CIP2A: variants seen among roughly 807,000 people sequenced by gnomAD.
The protein encoded by CIP2A is cellular inhibitor of PP2A, also known as protein CIP2A.
CIP2A carries 103 observed loss-of-function variants against 110.9 expected under a neutral mutation model. The observed-to-expected ratio is 0.93, with a 90% CI of 0.79 to 1.09. CIP2A has a LOEUF of 1.09. CIP2A is among the 50% of genes least tolerant of loss of function. The pLI is 0.00. For synonymous variants in CIP2A, 381 were observed against 361.6 expected, an observed-to-expected ratio of 1.05 and a Z score of -0.61; for missense variants, 1,088 against 1,038.4, an observed-to-expected ratio of 1.05 and a Z score of -0.66.
chr3:108,572,888 A>T (rs1002175675), intron 8 of CIP2A, among the ~76,000 whole-genome samples: 1 of 152,006 alleles, frequency 6.6e-6, no homozygotes. Context: ...TCTTATTCCT[A>T]ATCTTGAGGA....
intron 1 of CIP2A, among the ~76,000 whole-genome samples, chr3:108,587,159 T>C (rs1266270975): frequency 1.3e-5 from 2 of 152,154 alleles, no homozygotes; most frequent in African/African-American, 4.8e-5. Context: ...TAGGCATATG[T>C]TCCAATGCTC....
At chr3:108,565,534 T>A in intron 11 of CIP2A, 80 bp from the exon 12 acceptor site, 1 of 713,838 alleles carries the variant, frequency 1.4e-6, no homozygotes. Flanking sequence ...CTAAAGAAAA[T>A]GAAAAAAACC....
Position 108,553,631 on chromosome 3 carries a change from A to C in CIP2A, c.2407+17T>G, listed in dbSNP as rs201915655. ...TACATTAAAAATAGAAAATGTATTAAATAAGAAGCCACTTACTTGCTAGCT... is the reference window on the plus strand; with the variant it reads ...TACATTAAAAATAGAAAATGTATTACATAAGAAGCCACTTACTTGCTAGCT... On this transcript the variant is annotated intron_variant, in intron 19 of 20. Coordinates refer to ENST00000295746, the MANE Select transcript of CIP2A (RefSeq NM_020890.3). The C allele has an allele frequency of 6.5e-7, 1 of 1,549,094 alleles. No homozygotes were observed. Among genetic ancestry groups the C allele is most frequent in the African/African-American group, 1.4e-5 (1 of 72,838 alleles).
intron 19 of CIP2A, among the ~76,000 whole-genome samples, chr3:108,553,121 G>GC (rs1937632253): frequency 1.5e-5 from 1 of 67,156 alleles, no homozygotes; most frequent in South Asian, 6.8e-4. Context: ...CTTTCCTTTT[G>GC]TTTTTTTTTT....
intron 8 of CIP2A, among the ~76,000 whole-genome samples, chr3:108,572,739 A>G (rs1030886691): frequency 4.2e-5 from 6 of 143,372 alleles, no homozygotes; most frequent in African/African-American, 1.5e-4. Flanking sequence ...TAGATTTTCT[A>G]TACTCTCACG....
chr3:108,573,576 C>T (rs1195033904), intron 8 of CIP2A, among the ~76,000 whole-genome samples: 1 of 151,836 alleles, frequency 6.6e-6, no homozygotes, highest in Non-Finnish European at 1.5e-5. Flanking sequence ...GATTCGAATA[C>T]TAGATTTTTC....
At chr3:108,569,188 A>C (rs1938297490) in intron 9 of CIP2A, among the ~76,000 whole-genome samples, 1 of 131,096 alleles carries the variant, frequency 7.6e-6, no homozygotes, top group Non-Finnish European at 1.6e-5. Flanking sequence ...ATATACATAC[A>C]CACTACTCAG....
intron 8 of CIP2A, among the ~76,000 whole-genome samples, chr3:108,571,369 T>C (rs1938397804): frequency 1.3e-5 from 2 of 152,152 alleles, no homozygotes; most frequent in African/African-American, 4.8e-5. Flanking sequence ...ATGTGATGCA[T>C]TGCACCACCA....
intron 8 of CIP2A, among the ~76,000 whole-genome samples, chr3:108,571,879 G>A (rs1308733331): frequency 6.6e-6 from 1 of 152,042 alleles, no homozygotes. Flanking sequence ...GTTAAAGTAT[G>A]TTTGCTATTT....
chr3:108,567,795 T>C (rs1938237476), intron 10 of CIP2A, among the ~76,000 whole-genome samples: 1 of 151,858 alleles, frequency 6.6e-6, no homozygotes, highest in South Asian at 2.1e-4. Context: ...TGATCGTCCG[T>C]CCAGGGGAAA....
intron 2 of CIP2A, among the ~76,000 whole-genome samples, chr3:108,583,619 GA>G (rs1255415411): frequency 6.6e-6 from 1 of 152,134 alleles, no homozygotes; most frequent in Non-Finnish European, 1.5e-5. Flanking sequence ...TGGGAGGTGT[GA>G]GGGGGAGCCG....
intron 1 of CIP2A, 60 bp from the exon 2 acceptor site, chr3:108,585,272 T>C: frequency 6.9e-7 from 1 of 1,459,510 alleles, no homozygotes; most frequent in Non-Finnish European, 9.2e-7. Context: ...CTCTTCTCCA[T>C]TTCAAATAAA....
At chr3:108,552,709 T>C (rs1937623434) in intron 19 of CIP2A, among the ~76,000 whole-genome samples, 1 of 152,162 alleles carries the variant, frequency 6.6e-6, no homozygotes, top group Non-Finnish European at 1.5e-5. Context: ...AAATATACCA[T>C]TAAGAAGCTA....
chr3:108,568,124 C>G, intron 10 of CIP2A, 31 bp downstream of exon 10: 1 of 1,564,260 alleles, frequency 6.4e-7, no homozygotes, highest in Non-Finnish European at 8.7e-7. Flanking sequence ...GTTAGTTATA[C>G]AGTTTTCACG....
chr3:108,566,488 T>C lies in CIP2A; in HGVS notation c.1415+9A>G. 2 of 1,602,044 alleles carry C rather than the reference T, an allele frequency of 1.2e-6. No individual in the cohort carries two copies. Among genetic ancestry groups the C allele is most frequent in the African/African-American group, 1.3e-5 (1 of 74,290 alleles). ...CTTGCCATTTTGTCATTAGAGTTTA[T>C]ATACTCACCATAATTCAGAATCTGC... is the stretch of plus-strand genomic sequence containing the variant. On this transcript the variant is annotated intron_variant, in intron 11 of 20. Transcript: ENST00000295746.
rs1360459484 is a variant in CIP2A, at chr3:108,568,405, A to AT, written c.1114-92dup. The AT allele has an allele frequency of 1.1e-5, 11 of 1,001,304 alleles. No individual in the cohort carries two copies. The Admixed American group carries it at 2.0e-4, about 18-fold the overall frequency. 62.0% of individuals were successfully genotyped at this position (1,001,304 alleles called of 1,614,324 possible). A position where few individuals can be genotyped will look rare whatever the true frequency, so the allele number is the denominator to read the frequency against. On this transcript the variant is annotated intron_variant, in intron 9 of 20. Coordinates refer to ENST00000295746, the MANE Select transcript of CIP2A (RefSeq NM_020890.3). Reference sequence around the variant, plus strand: ...CACTGAATTGTAACACTCTCTTTAAATTTTTTATATTTCCTTCAATATGCC... The same window carrying AT: ...CACTGAATTGTAACACTCTCTTTAAATTTTTTTATATTTCCTTCAATATGCC...
At chr3:108,566,782 T>C in intron 10 of CIP2A, 144 bp from the exon 11 acceptor site, 1 of 523,600 alleles carries the variant, frequency 1.9e-6, no homozygotes, top group Non-Finnish European at 3.2e-6. Flanking sequence ...ACAAGGAAAC[T>C]GAAACTCACA....
Position 108,565,453 on chromosome 3 carries a change from T to C in CIP2A, c.1417A>G (p.Lys473Glu). 1 of 1,552,420 alleles carries C rather than the reference T, an allele frequency of 6.4e-7. No homozygotes were observed. The stretch of plus-strand genomic sequence containing the variant: ...TTCAAAATTACATCAGCAGCAAGTT[T>C]GCTTTAAAGATAAATCACATTTAAA... ...GTKVADSELCKLAADVILKTL... is the reference protein window; with the variant it reads ...GTKVADSELCELAADVILKTL... The change falls in exon 12 of 21, where the codon AAA becomes GAA. Residue 473 changes from lysine to glutamate, a missense_variant and splice_region_variant. By Grantham distance (56) the Lys-to-Glu change is moderately conservative (BLOSUM62 1). Transcript: ENST00000295746.
intron 9 of CIP2A, among the ~76,000 whole-genome samples, chr3:108,568,751 G>T (rs952690652): frequency 1.3e-5 from 2 of 151,896 alleles, no homozygotes; most frequent in African/African-American, 4.8e-5. Context: ...TCAAGACCAA[G>T]ATAAAATAGA....
Sources: gnomAD v4.1 joint callset for allele counts (sites outside exome capture counted in the v4.1 genomes callset) on GRCh38, gnomAD v4.1.1 for gene constraint, MANE v1.5 for transcripts, NCBI Gene and HGNC (gene_info 2026-07-23, HGNC 2026-07-21) for gene names.